Variants in USH2A observed in about 807,000 individuals in gnomAD.
USH2A encodes usherin.
A neutral mutation model predicts 538.9 loss-of-function variants in USH2A; 443 were observed. The observed-to-expected ratio is 0.82, with a 90% CI of 0.76 to 0.89. USH2A has a LOEUF of 0.89. Among genes scored for constraint, USH2A ranks in the 40% least tolerant of loss-of-function variants. USH2A has a pLI of 0.00. For synonymous variants in USH2A, 2,413 were observed against 2,273.5 expected, an observed-to-expected ratio of 1.06 and a Z score of -1.75; for missense variants, 6,633 against 6,324.8, an observed-to-expected ratio of 1.05 and a Z score of -1.65.
intron 70 of USH2A, 64 bp downstream of exon 70, chr1:215,634,395 C>G: frequency 6.2e-7 from 1 of 1,612,220 alleles, no homozygotes; most frequent in East Asian, 2.2e-5. Context: ...ACATTTTTCT[C>G]AGAAGGAAAA....
Position 216,000,433 on chromosome 1 carries a change from G to A in USH2A, c.6455C>T (p.Thr2152Ile). 1 of 1,613,680 alleles carries A rather than the reference G, an allele frequency of 6.2e-7. No homozygotes were observed. The highest frequency in any genetic ancestry group is 1.3e-5 in the African/African-American group (1 of 75,028). ...PPEHVDSPVLTVLDSRTIHIQ... is the reference protein window; with the variant it reads ...PPEHVDSPVLIVLDSRTIHIQ... ...GTGTATAGTTCTAGAATCCAGGACA[G>A]TCAGAACTGGGGAATCCACGTGTTC... Residue 2152 changes from threonine (T) to isoleucine (I), a missense_variant, in exon 33 of 72, where the codon ACT becomes ATT. By Grantham distance (89) the Thr-to-Ile change is moderately conservative. Transcript: ENST00000307340.
At chr1:215,934,898 G>A (rs1260605369) in intron 37 of USH2A, 103 bp from the exon 38 acceptor site, 2 of 1,105,322 alleles carry the variant, frequency 1.8e-6, no homozygotes, top group Non-Finnish European at 2.6e-6. Context: ...GTACCAAATA[G>A]GTCTGTAACT....
Position 216,231,543 on chromosome 1 carries a change from A to G in USH2A, c.2993+410T>C, listed in dbSNP as rs559594879. ...TCACGGAACAAAAAACATATCAATA[A>G]CAAAAAAACACTTTTTTTTTTTTGA... On this transcript the variant is annotated intron_variant, in intron 14 of 71. Coordinates refer to ENST00000307340, the MANE Select transcript of USH2A (RefSeq NM_206933.4). Among the ~76,000 whole-genome samples, 9 of 114,132 alleles carry G rather than the reference A, an allele frequency of 7.9e-5. No individual in the cohort carries two copies. In the South Asian group the frequency reaches 3.2e-3, roughly 40 times the overall value. 74.9% of individuals were successfully genotyped at this position (114,132 alleles called of 152,430 possible).
intron 21 of USH2A, among the ~76,000 whole-genome samples, chr1:216,117,747 T>C (rs1294432619): frequency 6.6e-6 from 1 of 151,548 alleles, no homozygotes; most frequent in Non-Finnish European, 1.5e-5. Flanking sequence ...TTCTTGGCCC[T>C]CACTCTGACC....
chr1:216,248,317 T>TA (rs1248409477), intron 12 of USH2A, among the ~76,000 whole-genome samples: 1 of 151,928 alleles, frequency 6.6e-6, no homozygotes, highest in Non-Finnish European at 1.5e-5. Context: ...GGCAAAGAAA[T>TA]AAAAAAATTA....
chr1:215,804,927 A>G (rs976669658), intron 49 of USH2A, among the ~76,000 whole-genome samples: 1 of 152,206 alleles, frequency 6.6e-6, no homozygotes, highest in African/African-American at 2.4e-5. Context: ...AATGTGGCAC[A>G]TATACACCAT....
intron 40 of USH2A, among the ~76,000 whole-genome samples, chr1:215,896,908 G>T (rs79988470): frequency 6.6e-6 from 1 of 151,924 alleles, no homozygotes; most frequent in Non-Finnish European, 1.5e-5. Flanking sequence ...TGACCAAATT[G>T]GCTGGAACAA....
chr1:216,145,198 A>G (rs1294666593), intron 21 of USH2A, among the ~76,000 whole-genome samples: 1 of 152,184 alleles, frequency 6.6e-6, no homozygotes, highest in Non-Finnish European at 1.5e-5. Context: ...ACACAGACCA[A>G]CTGGTTAGCT....
intron 21 of USH2A, among the ~76,000 whole-genome samples, chr1:216,133,936 C>A (rs2033428829): frequency 6.6e-6 from 1 of 152,024 alleles, no homozygotes. Flanking sequence ...ATTTATGGAA[C>A]ACTGAATATT....
chr1:215,742,923 A>G (rs1326874353), intron 59 of USH2A, among the ~76,000 whole-genome samples: 1 of 152,076 alleles, frequency 6.6e-6, no homozygotes, highest in Non-Finnish European at 1.5e-5. Context: ...TTTTTCTTTC[A>G]AAGGGCCTTA....
intron 58 of USH2A, among the ~76,000 whole-genome samples, chr1:215,757,782 A>G (rs960041362): frequency 2.0e-5 from 3 of 152,190 alleles, no homozygotes; most frequent in Non-Finnish European, 4.4e-5. Context: ...TGGCTCAATG[A>G]AGGCTATTCA....
rs41302237 is a variant in USH2A, at chr1:215,671,121, G to C, written c.13984C>G (p.Gln4662Glu). 3,224 of 1,614,074 alleles carry C rather than the reference G, an allele frequency of 2.0e-3. 68 individuals are homozygous for C. The African/African-American group carries it at 0.038, about 19-fold the overall frequency. ...TAATACAAAACTTTTCCATTTGGCTGCAGCGGTCCTGTCCACAAAAGAGAA... is the reference window on the plus strand; with the variant it reads ...TAATACAAAACTTTTCCATTTGGCTCCAGCGGTCCTGTCCACAAAAGAGAA... ...TVSLLWTGPL[Q>E]PNGKVLYYEL... Residue 4662 changes from glutamine (Q) to glutamate (E), a missense_variant, in exon 64 of 72, where the codon CAG becomes GAG. By Grantham distance (29) the Gln-to-Glu change is conservative. Transcript: ENST00000307340.
chr1:215,978,366 T>A (rs1251621951), intron 35 of USH2A, among the ~76,000 whole-genome samples: 2 of 152,166 alleles, frequency 1.3e-5, no homozygotes, highest in African/African-American at 4.8e-5. Flanking sequence ...ACTCTTGTTA[T>A]ATGTTTCTGG....
chr1:216,269,363 C>T lies in USH2A; in HGVS notation c.1972-18265G>A, dbSNP rs551613515. Among the ~76,000 whole-genome samples, 21 of 152,246 alleles carry T rather than the reference C, an allele frequency of 1.4e-4. No individual in the cohort carries two copies. In the South Asian group the frequency reaches 3.9e-3, roughly 29 times the overall value. ...CCCATACAAGATGTGACTTACTCCT[C>T]TTTGCCTTCTGCCATGATCGTGAGG... On this transcript the variant is annotated intron_variant, in intron 11 of 71. Coordinates refer to ENST00000307340, the MANE Select transcript of USH2A (RefSeq NM_206933.4).
At chr1:215,998,441 T>C (rs960347117) in intron 34 of USH2A, among the ~76,000 whole-genome samples, 2 of 152,112 alleles carry the variant, frequency 1.3e-5, no homozygotes, top group South Asian at 4.1e-4. Context: ...AACCAGAATG[T>C]AATAACAATC....
At chr1:216,287,577 C>A (rs1353249272) in intron 11 of USH2A, among the ~76,000 whole-genome samples, 1 of 152,020 alleles carries the variant, frequency 6.6e-6, no homozygotes, top group Non-Finnish European at 1.5e-5. Flanking sequence ...AGCACAGAAC[C>A]ACCCAAGGTT....
At chr1:216,092,556 TAAGAG>T (rs908013353) in intron 22 of USH2A, among the ~76,000 whole-genome samples, 4 of 152,268 alleles carry the variant, frequency 2.6e-5, no homozygotes, top group Admixed American at 1.3e-4. Flanking sequence ...AGAGAGCAAA[TAAGAG>T]AAGAGTATTC....
chr1:215,861,056 C>G (rs1664300265), intron 44 of USH2A, among the ~76,000 whole-genome samples: 1 of 152,162 alleles, frequency 6.6e-6, no homozygotes, highest in Admixed American at 6.5e-5. Flanking sequence ...CTACTGCTGA[C>G]ATGAAGTGGA....
At position 216,303,816 on chromosome 1, in the gene USH2A, T is replaced by C. The variant is rs544794411; in HGVS notation, c.1645-11446A>G. On this transcript the variant is annotated intron_variant, in intron 9 of 71. Transcript: ENST00000307340. The stretch of plus-strand genomic sequence containing the variant: ...ACTTGCATCTGTAATCAAGACATAA[T>C]GGCTGTACTCTAGCATAATGCACTA... Among the ~76,000 whole-genome samples the C allele has an allele frequency of 3.3e-5, 5 of 152,100 alleles. No individual in the cohort carries two copies. The South Asian group carries it at 1.0e-3, about 32-fold the overall frequency.
Sources: gnomAD v4.1 joint callset for allele counts (sites outside exome capture counted in the v4.1 genomes callset) on GRCh38, gnomAD v4.1.1 for gene constraint, MANE v1.5 for transcripts, NCBI Gene and HGNC (gene_info 2026-07-23, HGNC 2026-07-21) for gene names.